Variants in RAPGEF4 observed in about 807,000 individuals in gnomAD.
The protein encoded by RAPGEF4 is Rap guanine nucleotide exchange factor 4, also known as RAP guanine-nucleotide-exchange factor (GEF) 4.
In RAPGEF4, 66 loss-of-function variants were observed where a neutral mutation model predicts 147.9. The observed-to-expected ratio is 0.45, with a 90% CI of 0.37 to 0.55. The LOEUF (loss-of-function observed/expected upper bound fraction) is 0.55, where lower values mean the gene tolerates loss of function less well. RAPGEF4 is among the 20% of genes least tolerant of loss of function. The pLI is 0.00. For synonymous variants in RAPGEF4, 419 were observed against 442.7 expected (o/e 0.95, Z 0.67); for missense variants, 1,071 against 1,257.3 (o/e 0.85, Z 2.24).
intron 10 of RAPGEF4, among the ~76,000 whole-genome samples, chr2:172,977,256 G>A (rs1691172112): frequency 6.6e-6 from 1 of 152,088 alleles, no homozygotes; most frequent in Non-Finnish European, 1.5e-5. Flanking sequence ...AACAGTCTGG[G>A]GGCTGATTTA....
intron 1 of RAPGEF4, among the ~76,000 whole-genome samples, chr2:172,783,805 G>A (rs1684921752): frequency 6.6e-6 from 1 of 151,928 alleles, no homozygotes; most frequent in African/African-American, 2.4e-5. Flanking sequence ...GTGGGAGTGG[G>A]TGTGTGAGTA....
chr2:173,051,902 G>C lies in RAPGEF4; in HGVS notation c.*135G>C. The C allele has an allele frequency of 9.8e-7, 1 of 1,018,278 alleles. No homozygotes were observed. The highest frequency in any genetic ancestry group is 1.4e-6 in the Non-Finnish European group (1 of 699,698). 63.1% of individuals were successfully genotyped at this position (1,018,278 alleles called of 1,614,324 possible). ...AAAAACACATCCTGAGACACCTCAGGGCTGCATTCAGCTTACCAGCTACCT... is the reference window on the plus strand; with the variant it reads ...AAAAACACATCCTGAGACACCTCAGCGCTGCATTCAGCTTACCAGCTACCT... On this transcript the variant is annotated 3_prime_UTR_variant, in exon 31 of 31. Coordinates refer to ENST00000397081, the MANE Select transcript of RAPGEF4 (RefSeq NM_007023.4).
intron 18 of RAPGEF4, 96 bp downstream of exon 18, chr2:173,014,710 G>A (rs1695348392): frequency 8.5e-6 from 10 of 1,170,122 alleles, no homozygotes; most frequent in Non-Finnish European, 1.2e-5. Flanking sequence ...GACCGTAATT[G>A]CAAATGCTAG....
chr2:172,938,860 A>C (rs779987855), intron 6 of RAPGEF4, among the ~76,000 whole-genome samples: 2 of 152,218 alleles, frequency 1.3e-5, no homozygotes, highest in African/African-American at 4.8e-5. Context: ...GTCTGAAGCC[A>C]TAGAAACCAC....
At chr2:172,914,830 A>G (rs1683877243) in intron 4 of RAPGEF4, among the ~76,000 whole-genome samples, 1 of 152,224 alleles carries the variant, frequency 6.6e-6, no homozygotes, top group South Asian at 2.1e-4. Context: ...AGATTAAAAA[A>G]TTATATTGCG....
At chr2:172,991,085 T>C (rs1289945013) in intron 15 of RAPGEF4, among the ~76,000 whole-genome samples, 160 bp downstream of exon 15, 1 of 152,226 alleles carries the variant, frequency 6.6e-6, no homozygotes, top group African/African-American at 2.4e-5. Context: ...TGGAGTATAA[T>C]GTATCCATTT....
chr2:172,874,584 T>A (rs1695657783), intron 4 of RAPGEF4, among the ~76,000 whole-genome samples: 1 of 152,230 alleles, frequency 6.6e-6, no homozygotes, highest in Non-Finnish European at 1.5e-5. Flanking sequence ...GAACTCATCC[T>A]TTTTATGGCT....
In RAPGEF4 at chr2:173,048,624, A is replaced by G; in HGVS notation, c.2878A>G (p.Thr960Ala). ...GCGCATGATTGCAAATACGGCCAGA[A>G]CAGTGAGATACTACAGGAGCCAACC... is the stretch of plus-strand genomic sequence containing the variant. ...KMRMIANTAR[T>A]VRYYRSQPFN... Residue 960 changes from threonine to alanine, a missense_variant, in exon 30 of 31, where the codon ACA becomes GCA. Thr to Ala is a moderately conservative substitution (Grantham distance 58). Coordinates refer to ENST00000397081, the MANE Select transcript of RAPGEF4 (RefSeq NM_007023.4). The G allele has an allele frequency of 6.2e-7, 1 of 1,614,158 alleles. No homozygotes were observed. Among genetic ancestry groups the G allele is most frequent in the Non-Finnish European group, 8.5e-7 (1 of 1,180,018 alleles).
intron 17 of RAPGEF4, among the ~76,000 whole-genome samples, chr2:173,012,401 G>C (rs1395557251): frequency 6.6e-6 from 1 of 152,058 alleles, no homozygotes; most frequent in Non-Finnish European, 1.5e-5. Context: ...CCCCACCTTG[G>C]CCATTCTTAC....
rs1052962851 is a variant in RAPGEF4 at position 172,762,896 on chromosome 2, T to A, written c.65+26848T>A. Among the ~76,000 whole-genome samples the A allele has an allele frequency of 2.6e-5, 4 of 152,190 alleles. No homozygotes were observed. The East Asian group carries it at 5.8e-4, about 22-fold the overall frequency. On this transcript the variant is annotated intron_variant, in intron 1 of 30. Transcript: ENST00000397081. Reference sequence around the variant, plus strand: ...GCCTCTGCTCTGAGTGACTGTGGGATACACAATGAGATAATAATAAACCTG... The same window carrying A: ...GCCTCTGCTCTGAGTGACTGTGGGAAACACAATGAGATAATAATAAACCTG...
At chr2:172,802,246 T>C (rs1236152141) in intron 3 of RAPGEF4, among the ~76,000 whole-genome samples, 1 of 152,216 alleles carries the variant, frequency 6.6e-6, no homozygotes, top group Non-Finnish European at 1.5e-5. Flanking sequence ...TATTAGTCCA[T>C]TTTCATGCTG....
chr2:172,835,017 A>G (rs1690765615), intron 4 of RAPGEF4, among the ~76,000 whole-genome samples: 1 of 152,108 alleles, frequency 6.6e-6, no homozygotes, highest in African/African-American at 2.4e-5. Flanking sequence ...TTTGCCCCCC[A>G]CTAGCTGACA....
At chr2:172,930,584 C>T (rs1685818006) in intron 6 of RAPGEF4, among the ~76,000 whole-genome samples, 1 of 152,068 alleles carries the variant, frequency 6.6e-6, no homozygotes, top group East Asian at 1.9e-4. Flanking sequence ...CCCTCTTTTT[C>T]CTTTTCTGTT....
At chr2:172,825,113 A>G (rs1407776430) in intron 4 of RAPGEF4, among the ~76,000 whole-genome samples, 4 of 152,202 alleles carry the variant, frequency 2.6e-5, no homozygotes, top group Non-Finnish European at 5.9e-5. Flanking sequence ...CACCTAGATA[A>G]ACCCATTGTA....
chr2:172,965,040 A>G (rs956660983), intron 8 of RAPGEF4: 1 of 153,704 alleles, frequency 6.5e-6, no homozygotes, highest in Non-Finnish European at 1.4e-5. Flanking sequence ...GTTTCTCCCA[A>G]CACCCCTCCA....
intron 3 of RAPGEF4, 126 bp from the exon 4 acceptor site, chr2:172,814,153 A>G (rs1199722982): frequency 1.1e-6 from 1 of 931,104 alleles, no homozygotes; most frequent in Non-Finnish European, 1.7e-6. Context: ...ATTTGTCAAG[A>G]CTTGTTGAAC....
chr2:173,011,060 C>T (rs1694950685), intron 17 of RAPGEF4, among the ~76,000 whole-genome samples: 2 of 152,102 alleles, frequency 1.3e-5, no homozygotes, highest in Non-Finnish European at 2.9e-5. Context: ...TTGGTCAATT[C>T]TATCTCCCTA....
In RAPGEF4 at chr2:172,819,707, C is replaced by T. The variant is rs866113160; in HGVS notation, c.444+5282C>T. ...GTCTCGATCTCCTGACCTCGTGATC[C>T]GCCCGCCTCGGCCTCCCAAAGTGCT... is the stretch of plus-strand genomic sequence containing the variant. On this transcript the variant is annotated intron_variant, in intron 4 of 30. Transcript: ENST00000397081. 3.8e-4 allele frequency among the ~76,000 whole-genome samples: 57 copies of T among 151,960 alleles called. No individual in the cohort carries two copies. In the Middle Eastern group the frequency reaches 0.01, roughly 27 times the overall value.
chr2:172,949,360 T>C (rs1274106211), intron 6 of RAPGEF4, among the ~76,000 whole-genome samples: 2 of 152,162 alleles, frequency 1.3e-5, no homozygotes, highest in African/African-American at 2.4e-5. Context: ...CAATGAAATA[T>C]TTACTGTAAT....
Sources: allele counts gnomAD v4.1 joint callset (sites outside exome capture counted in the v4.1 genomes callset), GRCh38; gene constraint gnomAD v4.1.1; transcripts MANE v1.5; gene names NCBI Gene and HGNC (gene_info 2026-07-23, HGNC 2026-07-21).